Variants in DNAH2 observed in about 807,000 individuals in gnomAD.
DNAH2 encodes the protein dynein axonemal heavy chain 2.
In DNAH2, 323 loss-of-function variants were observed where a neutral mutation model predicts 523.5. The ratio of observed to expected loss-of-function variants is 0.62; its 90% CI spans 0.56 to 0.68. The LOEUF (loss-of-function observed/expected upper bound fraction) is 0.68. DNAH2 is among the 30% of genes least tolerant of loss of function. The pLI is 0.00. For synonymous variants in DNAH2, 2,093 were observed against 2,177.4 expected (o/e 0.96, Z 1.08); for missense variants, 4,907 against 5,701.5 (o/e 0.86, Z 4.49).
chr17:7,827,577 C>T (rs2078054197), intron 77 of DNAH2, among the ~76,000 whole-genome samples: 1 of 151,846 alleles, frequency 6.6e-6, no homozygotes, highest in African/African-American at 2.4e-5. Context: ...TCCTGAGTAG[C>T]TGAGATTACA....
chr17:7,749,675 T>C (rs1358026670), intron 12 of DNAH2, among the ~76,000 whole-genome samples: 1 of 152,134 alleles, frequency 6.6e-6, no homozygotes, highest in East Asian at 1.9e-4. Flanking sequence ...GCTTGTACAA[T>C]GTTTTGCTCA....
At chr17:7,770,018 G>T (rs1166292395) in intron 24 of DNAH2, among the ~76,000 whole-genome samples, 3 of 152,216 alleles carry the variant, frequency 2.0e-5, no homozygotes, top group Non-Finnish European at 4.4e-5. Context: ...GTGATTCATT[G>T]TGTGTTTTGT....
intron 2 of DNAH2, among the ~76,000 whole-genome samples, chr17:7,722,075 T>C (rs2074626471): frequency 6.6e-6 from 1 of 152,144 alleles, no homozygotes; most frequent in South Asian, 2.1e-4. Context: ...CTCGGCTCAC[T>C]GCGACCTCTG....
Position 7,833,415 on chromosome 17 carries a change from G to C in DNAH2, c.13166G>C (p.Arg4389Pro), listed in dbSNP as rs1463672008. The change falls in exon 86 of 86, where the codon CGG (arginine) becomes CCG (proline). Residue 4389 changes from arginine (R) to proline (P), a missense_variant. By Grantham distance (103) the Arg-to-Pro change is moderately radical. Coordinates refer to ENST00000572933, the MANE Select transcript of DNAH2 (RefSeq NM_020877.5). ...TGCCCCTGCTATTACTATCCCAACC[G>C]GGCAGGCAGCTCAGACCGAGCCTCC... is the stretch of plus-strand genomic sequence containing the variant. ...YSCPCYYYPNRAGSSDRASFV... is the reference protein window; with the variant it reads ...YSCPCYYYPNPAGSSDRASFV... 5 of 1,613,986 alleles carry C rather than the reference G, an allele frequency of 3.1e-6. No individual in the cohort carries two copies. In the African/African-American group the frequency reaches 4.0e-5, roughly 13 times the overall value.
rs773013181 is a variant in DNAH2 at position 7,805,061 on chromosome 17, A to G, written c.9287A>G (p.Glu3096Gly). The G allele has an allele frequency of 6.2e-7, 1 of 1,614,094 alleles. No homozygotes were observed. Among genetic ancestry groups the G allele is most frequent in the Non-Finnish European group, 8.5e-7 (1 of 1,179,986 alleles). Reference protein sequence around the residue: ...KDLEEALPALEEAMRALESLN... With the variant: ...KDLEEALPALGEAMRALESLN... ...CTAGAAGAGGCACTGCCCGCCCTGG[A>G]AGAGGCCATGCGGGTACCAGGGGCG... Residue 3096 changes from glutamate to glycine, a missense_variant, in exon 60 of 86, where the codon GAA (glutamate) becomes GGA (glycine). Physicochemically the swap from Glu to Gly is moderately conservative, Grantham distance 98. Around this residue, in one of 3 missense-constraint regions of DNAH2, gnomAD observed 1,851 missense variants for 2,139.4 expected, o/e 0.87. Coordinates refer to ENST00000572933, the MANE Select transcript of DNAH2 (RefSeq NM_020877.5).
At position 7,786,224 on chromosome 17, in the gene DNAH2, G is replaced by A. The variant is rs1381034199; in HGVS notation, c.6230G>A (p.Arg2077His). ...VFQLYETKNS[R>H]HSTMIVGCTG... ...CAGTTGTATGAAACCAAGAACTCCC[G>A]CCACTCCACCATGATCGTGGGCTGC... is the stretch of plus-strand genomic sequence containing the variant. Residue 2077 changes from arginine (R) to histidine (H), a missense_variant, in exon 40 of 86, where the codon CGC (arginine) becomes CAC (histidine). This residue lies in a region of DNAH2 where 2,806 missense variants were observed against 3,190.8 expected (regional missense o/e 0.88). Coordinates refer to ENST00000572933, the MANE Select transcript of DNAH2 (RefSeq NM_020877.5). This position sits in a 1 kb window ranked among gnomAD's most constrained non-coding sequence, Gnocchi z 7.5. 5.6e-6 allele frequency: 9 copies of A among 1,613,968 alleles called. No individual in the cohort carries two copies. The highest frequency in any genetic ancestry group is 2.2e-5 in the South Asian group (2 of 91,074).
In DNAH2 at chr17:7,832,195, A is replaced by G. The variant is rs1473970645; in HGVS notation, c.12727-384A>G. Among the ~76,000 whole-genome samples, 1 of 152,102 alleles carries G rather than the reference A, an allele frequency of 6.6e-6. No individual in the cohort carries two copies. The highest frequency in any genetic ancestry group is 1.5e-5 in the Non-Finnish European group (1 of 68,022). On this transcript the variant is annotated intron_variant, in intron 82 of 85. Coordinates refer to ENST00000572933, the MANE Select transcript of DNAH2 (RefSeq NM_020877.5). This position sits in a 1 kb window ranked among gnomAD's most constrained non-coding sequence, Gnocchi z 4.3. ...GGCTGCCACCACATAGTCTTCTCAT[A>G]TCTGCTTCAGGTGCTCAAAATAAGG... is the stretch of plus-strand genomic sequence containing the variant.
Position 7,758,614 on chromosome 17 carries a change from C to T in DNAH2, c.2171C>T (p.Ala724Val). 6.2e-7 allele frequency: 1 copy of T among 1,614,036 alleles called. No individual in the cohort carries two copies. The highest frequency in any genetic ancestry group is 8.5e-7 in the Non-Finnish European group (1 of 1,180,008). ...CACTGGGCCTTGAAGGGGGCCAGTG[C>T]CTTCTTCATCACGGAGTGCCGTATA... is the stretch of plus-strand genomic sequence containing the variant. Reference protein sequence around the residue: ...KLHWALKGASAFFITECRIHA... With the variant: ...KLHWALKGASVFFITECRIHA... Residue 724 changes from alanine (A) to valine (V), a missense_variant, in exon 14 of 86, where the codon GCC becomes GTC. Around this residue, in one of 3 missense-constraint regions of DNAH2, gnomAD observed 2,806 missense variants for 3,190.8 expected, o/e 0.88. Transcript: ENST00000572933.
intron 56 of DNAH2, among the ~76,000 whole-genome samples, chr17:7,801,274 T>A (rs1354425895): frequency 6.6e-6 from 1 of 152,066 alleles, no homozygotes; most frequent in Non-Finnish European, 1.5e-5. Flanking sequence ...CCCCCAACCA[T>A]CCTAGTCAGC....
chr17:7,753,882 A>T (rs1392532293), intron 12 of DNAH2, among the ~76,000 whole-genome samples: 1 of 152,170 alleles, frequency 6.6e-6, no homozygotes, highest in Non-Finnish European at 1.5e-5. Flanking sequence ...GGGGAGGCAG[A>T]GGTTGCAGTG....
At chr17:7,819,182 C>T in intron 71 of DNAH2, 27 bp from the exon 72 acceptor site, 1 of 1,611,680 alleles carries the variant, frequency 6.2e-7, no homozygotes, top group Non-Finnish European at 8.5e-7. Flanking sequence ...CCTCAGTGGC[C>T]CTGACTCCAC....
chr17:7,805,282 G>A lies in DNAH2; in HGVS notation c.9331G>A (p.Gly3111Arg). The A allele has an allele frequency of 6.2e-7, 1 of 1,614,232 alleles. No individual in the cohort carries two copies. Among genetic ancestry groups the A allele is most frequent in the Non-Finnish European group, 8.5e-7 (1 of 1,180,034 alleles). Residue 3111 changes from glycine to arginine, a missense_variant, in exon 61 of 86, where the codon GGA becomes AGA. By Grantham distance (125) the Gly-to-Arg change is moderately radical (BLOSUM62 -2). This residue lies in a region of DNAH2 where 1,851 missense variants were observed against 2,139.4 expected (regional missense o/e 0.87). Coordinates refer to ENST00000572933, the MANE Select transcript of DNAH2 (RefSeq NM_020877.5). Reference sequence around the variant, plus strand: ...GGAGTCTCTGAACAAGAAGGATATAGGAGAGATCAAGTCTTATGGACGGCC... The same window carrying A: ...GGAGTCTCTGAACAAGAAGGATATAAGAGAGATCAAGTCTTATGGACGGCC... ...ALESLNKKDIGEIKSYGRPPA... is the reference protein window; with the variant it reads ...ALESLNKKDIREIKSYGRPPA...
intron 44 of DNAH2, among the ~76,000 whole-genome samples, chr17:7,789,663 G>A (rs977982873): frequency 5.4e-5 from 8 of 148,852 alleles, no homozygotes; most frequent in Non-Finnish European, 8.9e-5. Flanking sequence ...CGCAACCTCC[G>A]CCTTGCAGGT....
intron 42 of DNAH2, chr17:7,787,415 A>G (rs2076770381): frequency 1.0e-5 from 3 of 290,690 alleles, no homozygotes; most frequent in African/African-American, 2.2e-5. Context: ...TCAAAAGGAC[A>G]ACCTTGAATA....
intron 4 of DNAH2, 113 bp from the exon 5 acceptor site, chr17:7,732,974 G>C: frequency 1.0e-6 from 1 of 995,978 alleles, no homozygotes; most frequent in Non-Finnish European, 1.5e-6. Context: ...CTTCCATTTA[G>C]AGAAGGATCA....
At chr17:7,822,757 C>T (rs60445184) in intron 73 of DNAH2, among the ~76,000 whole-genome samples, 52 of 152,116 alleles carry the variant, frequency 3.4e-4, no homozygotes, top group Non-Finnish European at 6.5e-4. Flanking sequence ...GCATAGTTGG[C>T]GAACAATAAA....
At chr17:7,732,627 G>A (rs916802758) in intron 4 of DNAH2, among the ~76,000 whole-genome samples, 1 of 152,034 alleles carries the variant, frequency 6.6e-6, no homozygotes, top group Non-Finnish European at 1.5e-5. Flanking sequence ...AAAGCCATAA[G>A]CAAAATTGAA....
intron 3 of DNAH2, among the ~76,000 whole-genome samples, chr17:7,724,939 T>C (rs2074748850): frequency 6.6e-6 from 1 of 151,626 alleles, no homozygotes; most frequent in Non-Finnish European, 1.5e-5. Flanking sequence ...GGCGGGGTTT[T>C]GTCATATCGG....
chr17:7,830,416 T>C lies in DNAH2; in HGVS notation c.11970T>C (p.Ser3990=). 4 of 1,614,260 alleles carry C rather than the reference T, an allele frequency of 2.5e-6. No individual in the cohort carries two copies. Among genetic ancestry groups the C allele is most frequent in the Non-Finnish European group, 3.4e-6 (4 of 1,180,050 alleles). Residue 3990 remains serine, a synonymous_variant, in exon 78 of 86, where the codon TCT becomes TCC. Transcript: ENST00000572933. ...TGTTTTCACTCTGTTTCTTCCACTC[T>C]GTGTTACTTGAACGCAAAAAGTTCC... is the stretch of plus-strand genomic sequence containing the variant. ...KLLFSLCFFH[S]VLLERKKFLQ...
Sources: allele counts gnomAD v4.1 joint callset (sites outside exome capture counted in the v4.1 genomes callset), GRCh38; gene constraint gnomAD v4.1.1; regional missense constraint gnomAD v4.1.1; non-coding constraint Gnocchi (gnomAD v3.1); transcripts MANE v1.5; gene names NCBI Gene and HGNC (gene_info 2026-07-23, HGNC 2026-07-21).